The following TNFSF14 variants were observed in gnomAD, a reference collection of about 807,000 sequenced individuals.
TNFSF14 encodes the protein TNF superfamily member 14.
TNFSF14 carries 15 observed loss-of-function variants against 22.7 expected under a neutral mutation model. The observed-to-expected ratio is 0.66, with a 90% CI of 0.44 to 1.02. The LOEUF is 1.02. Among genes scored for constraint, TNFSF14 ranks in the 50% least tolerant of loss-of-function variants. The probability of loss-of-function intolerance (pLI) is 0.00; values close to 1 mark genes in which losing one functional copy is unlikely to be tolerated. For missense variants in TNFSF14, 287 were observed against 326.2 expected (o/e 0.88, Z 0.93); for synonymous variants, 133 against 139.6 (o/e 0.95, Z 0.33).
rs1207077133 is a variant in TNFSF14, at chr19:6,663,608, A to T, written c.*1318T>A. The T allele has an allele frequency of 6.6e-6, 1 of 152,646 alleles. No homozygotes were observed. Among genetic ancestry groups the T allele is most frequent in the African/African-American group, 2.4e-5 (1 of 41,446 alleles). 9.5% of individuals were successfully genotyped at this position (152,646 alleles called of 1,614,324 possible). A position where few individuals can be genotyped will look rare whatever the true frequency, so the allele number is the denominator to read the frequency against. The stretch of plus-strand genomic sequence containing the variant: ...GTGACACCTCTGGGAGTGGCTGTGT[A>T]GCTGGGATGCTGTCTGAGTTTTGTG... On this transcript the variant is annotated 3_prime_UTR_variant, in exon 4 of 4. Transcript: ENST00000675206.
At chr19:6,668,541 A>G (rs1358192561) in intron 1 of TNFSF14, among the ~76,000 whole-genome samples, 5 of 151,982 alleles carry the variant, frequency 3.3e-5, no homozygotes, top group Non-Finnish European at 7.4e-5. Flanking sequence ...CCCCGTCTGT[A>G]CTAAAAATAC....
chr19:6,664,852 G>C lies in TNFSF14; in HGVS notation c.*74C>G. On this transcript the variant is annotated 3_prime_UTR_variant, in exon 4 of 4. Transcript: ENST00000675206. The surrounding 1 kb of genome is among the most constrained non-coding windows in gnomAD (Gnocchi z 4.7). ...ACCACGCCCAGCCTCTGCTTCGTGA[G>C]TTTTCTTTCCCCTGAGGCACCCTCT... 6.6e-7 allele frequency: 1 copy of C among 1,505,904 alleles called. No individual in the cohort carries two copies. The highest frequency in any genetic ancestry group is 8.9e-7 in the Non-Finnish European group (1 of 1,125,250). The allele number at this position is 1,505,904 out of a possible 1,614,324, so 93.3% of individuals were successfully genotyped here.
Position 6,667,099 on chromosome 19 carries a change from A to G in TNFSF14, c.298+14T>C, listed in dbSNP as rs756503691. The G allele has an allele frequency of 9.3e-6, 15 of 1,609,056 alleles. No homozygotes were observed. Among genetic ancestry groups the G allele is most frequent in the Non-Finnish European group, 1.3e-5 (15 of 1,178,278 alleles). ...TGACCCCTGCCCCTTGCCAGGATCC[A>G]GGGTCCCTCTCACCTGTGAGATGCG... On this transcript the variant is annotated intron_variant, in intron 3 of 3. Coordinates refer to ENST00000675206, the MANE Select transcript of TNFSF14 (RefSeq NM_001376887.1).
Position 6,661,633 on chromosome 19 carries a change from A to G in TNFSF14, c.*3293T>C, listed in dbSNP as rs948922015. 13 of 152,234 alleles carry G rather than the reference A, an allele frequency of 8.5e-5. No homozygotes were observed. The highest frequency in any genetic ancestry group is 1.3e-4 in the Admixed American group (2 of 15,256). 9.4% of individuals were successfully genotyped at this position (152,234 alleles called of 1,614,324 possible). On this transcript the variant is annotated 3_prime_UTR_variant, in exon 4 of 4. Coordinates refer to ENST00000675206, the MANE Select transcript of TNFSF14 (RefSeq NM_001376887.1). ...TCCTTGAGGAAGGGGGGTGGGTGAG[A>G]GACTGCAAGCGAAGAAGCCAAAATA... is the stretch of plus-strand genomic sequence containing the variant.
chr19:6,665,120 G>C lies in TNFSF14; in HGVS notation c.529C>G (p.Leu177Val). The C allele has an allele frequency of 2.5e-6, 4 of 1,614,058 alleles. No homozygotes were observed. The highest frequency in any genetic ancestry group is 2.5e-6 in the Non-Finnish European group (3 of 1,179,934). Reference sequence around the variant, plus strand: ...GACTGCTGGCTGACCAACAGCTCCAGCTCCTCGGGGTAGCGGGGTGTGCGC... The same window carrying C: ...GACTGCTGGCTGACCAACAGCTCCACCTCCTCGGGGTAGCGGGGTGTGCGC... ...YKRTPRYPEELELLVSQQSPC... is the reference protein window; with the variant it reads ...YKRTPRYPEEVELLVSQQSPC... Residue 177 changes from leucine to valine, a missense_variant, in exon 4 of 4, where the codon CTG becomes GTG. Physicochemically the swap from Leu to Val is conservative, Grantham distance 32 (BLOSUM62 1). Transcript: ENST00000675206.
chr19:6,665,715 G>A (rs1006634308), intron 3 of TNFSF14, among the ~76,000 whole-genome samples: 4 of 151,604 alleles, frequency 2.6e-5, no homozygotes, highest in Admixed American at 2.6e-4. Flanking sequence ...GGCCTCACAT[G>A]TCTTACTCCT....
chr19:6,667,600 A>G (rs1237864961), intron 1 of TNFSF14, 151 bp from the exon 2 acceptor site: 7 of 813,942 alleles, frequency 8.6e-6, no homozygotes, highest in Non-Finnish European at 1.3e-5. Context: ...TTGCAGACAC[A>G]CACCCCCTGT....
At position 6,665,226 on chromosome 19, in the gene TNFSF14, G is replaced by A; in HGVS notation, c.423C>T (p.Tyr141=). Residue 141 remains tyrosine, a synonymous_variant, in exon 4 of 4, where the codon TAC becomes TAT. Coordinates refer to ENST00000675206, the MANE Select transcript of TNFSF14 (RefSeq NM_001376887.1). The part of the protein sequence containing the change: ...GALVVTKAGY[Y]YIYSKVQLGG... ...CCAGCTGCACCTTGGAGTAGATGTAGTAGTAGCCAGCTTTGGTGACCACAA... is the reference window on the plus strand; with the variant it reads ...CCAGCTGCACCTTGGAGTAGATGTAATAGTAGCCAGCTTTGGTGACCACAA... The A allele has an allele frequency of 6.2e-7, 1 of 1,614,164 alleles. No individual in the cohort carries two copies. Among genetic ancestry groups the A allele is most frequent in the Non-Finnish European group, 8.5e-7 (1 of 1,180,034 alleles).
Position 6,665,031 on chromosome 19 carries a change from C to G in TNFSF14, c.618G>C (p.Val206=), listed in dbSNP as rs1161717306. The change falls in exon 4 of 4, where the codon GTG becomes GTC. Residue 206 remains valine (V), a synonymous_variant. Transcript: ENST00000675206. ...VWWDSSFLGG[V]VHLEAGEKVV... ...CCTTCTCCCCAGCCTCCAGGTGTAC[C>G]ACACCACCCAGGAAGCTGCTGTCCC... is the stretch of plus-strand genomic sequence containing the variant. 6.2e-7 allele frequency: 1 copy of G among 1,614,036 alleles called. No individual in the cohort carries two copies. The highest frequency in any genetic ancestry group is 8.5e-7 in the Non-Finnish European group (1 of 1,179,994).
chr19:6,666,708 C>A (rs1412665093), intron 3 of TNFSF14, among the ~76,000 whole-genome samples: 1 of 152,042 alleles, frequency 6.6e-6, no homozygotes, highest in East Asian at 1.9e-4. Flanking sequence ...CCAGCCTGGC[C>A]AACATGGCAA....
chr19:6,662,647 C>T lies in TNFSF14; in HGVS notation c.*2279G>A, dbSNP rs953026174. On this transcript the variant is annotated 3_prime_UTR_variant, in exon 4 of 4. Coordinates refer to ENST00000675206, the MANE Select transcript of TNFSF14 (RefSeq NM_001376887.1). ...AATACATTCACCTCTGGGGTCGAAACCCATATCCTAGAATCCTAGGAACTA... is the reference window on the plus strand; with the variant it reads ...AATACATTCACCTCTGGGGTCGAAATCCATATCCTAGAATCCTAGGAACTA... 1 of 152,050 alleles carries T rather than the reference C, an allele frequency of 6.6e-6. No homozygotes were observed. The highest frequency in any genetic ancestry group is 1.5e-5 in the Non-Finnish European group (1 of 68,042). The allele number at this position is 152,050 out of a possible 1,614,324, so 9.4% of individuals were successfully genotyped here.
chr19:6,668,565 G>A (rs1329278298), intron 1 of TNFSF14, among the ~76,000 whole-genome samples: 1 of 152,126 alleles, frequency 6.6e-6, no homozygotes, highest in African/African-American at 2.4e-5. Context: ...AATTAGCCAG[G>A]CACGGTGGCG....
At chr19:6,669,067 T>A (rs994392654) in intron 1 of TNFSF14, among the ~76,000 whole-genome samples, 5 of 152,268 alleles carry the variant, frequency 3.3e-5, no homozygotes, top group African/African-American at 1.2e-4. Flanking sequence ...TGGGCACACA[T>A]AGACCCCCAG....
rs1917256811 is a variant in TNFSF14, at chr19:6,661,971, A to G, written c.*2955T>C. 2 of 152,278 alleles carry G rather than the reference A, an allele frequency of 1.3e-5. No individual in the cohort carries two copies. The highest frequency in any genetic ancestry group is 2.9e-5 in the Non-Finnish European group (2 of 68,042). The allele number at this position is 152,278 out of a possible 1,614,324, so 9.4% of individuals were successfully genotyped here. On this transcript the variant is annotated 3_prime_UTR_variant, in exon 4 of 4. Coordinates refer to ENST00000675206, the MANE Select transcript of TNFSF14 (RefSeq NM_001376887.1). The stretch of plus-strand genomic sequence containing the variant: ...CTGCATTTCCACTGCAATCTATCAC[A>G]TGTGATGAGTTGTGGAATTTCCCAC...
chr19:6,667,480 A>G (rs373103892), intron 1 of TNFSF14, 31 bp from the exon 2 acceptor site: 22 of 1,570,770 alleles, frequency 1.4e-5, no homozygotes, highest in Non-Finnish European at 1.8e-5. Context: ...TGCGGTAAGA[A>G]CCTGCAGCGG....
chr19:6,664,887 A>T lies in TNFSF14; in HGVS notation c.*39T>A. The T allele has an allele frequency of 6.5e-7, 1 of 1,539,072 alleles. No individual in the cohort carries two copies. Among genetic ancestry groups the T allele is most frequent in the Admixed American group, 1.9e-5 (1 of 52,210 alleles). On this transcript the variant is annotated 3_prime_UTR_variant, in exon 4 of 4. Transcript: ENST00000675206. The surrounding 1 kb of genome is among the most constrained non-coding windows in gnomAD (Gnocchi z 4.7). ...CCCTGAGGCACCCTCTGAGTTCTCC[A>T]CGTGTCAGACCCATGTCCAATGCAC...
Position 6,664,645 on chromosome 19 carries a change from A to T in TNFSF14, c.*281T>A. Reference sequence around the variant, plus strand: ...CCTCCGCCTCCCGGGTTTAAGCAAAATTATCCTGCCTCAGCCTCCTGAGTA... The same window carrying T: ...CCTCCGCCTCCCGGGTTTAAGCAAATTTATCCTGCCTCAGCCTCCTGAGTA... On this transcript the variant is annotated 3_prime_UTR_variant, in exon 4 of 4. Transcript: ENST00000675206. The surrounding 1 kb of genome is among the most constrained non-coding windows in gnomAD (Gnocchi z 4.7). 1 of 267,214 alleles carries T rather than the reference A, an allele frequency of 3.7e-6. No individual in the cohort carries two copies. Among genetic ancestry groups the T allele is most frequent in the South Asian group, 8.5e-5 (1 of 11,792 alleles). The allele number at this position is 267,214 out of a possible 1,614,324, so 16.6% of individuals were successfully genotyped here.
rs1357860231 is a variant in TNFSF14 at position 6,661,282 on chromosome 19, C to T, written c.*3644G>A. 5 of 152,532 alleles carry T rather than the reference C, an allele frequency of 3.3e-5. No individual in the cohort carries two copies. Among genetic ancestry groups the T allele is most frequent in the Admixed American group, 6.5e-5 (1 of 15,268 alleles). The allele number at this position is 152,532 out of a possible 1,614,324, so 9.4% of individuals were successfully genotyped here. A position where few individuals can be genotyped will look rare whatever the true frequency, so the allele number is the denominator to read the frequency against. On this transcript the variant is annotated 3_prime_UTR_variant, in exon 4 of 4. Transcript: ENST00000675206. ...ACTAATTCAGGAGTCCTTTATTAGC[C>T]GGCGACTGAGAGACGGCTAGCGCTC...
chr19:6,670,232 T>C (rs1917567479), upstream of TNFSF14: 1 of 1,437,588 alleles, frequency 7.0e-7, no homozygotes, highest in African/African-American at 1.4e-5. Context: ...CACCCTCCTC[T>C]TCTTCCGGTA....
Sources: gnomAD v4.1 joint callset for allele counts (sites outside exome capture counted in the v4.1 genomes callset) on GRCh38, gnomAD v4.1.1 for gene constraint, Gnocchi (gnomAD v3.1) non-coding constraint, MANE v1.5 for transcripts, NCBI Gene and HGNC (gene_info 2026-07-23, HGNC 2026-07-21) for gene names.